FRMD5: variants seen among roughly 807,000 people sequenced by gnomAD.
FRMD5 encodes FERM domain containing 5, also known as FERM domain-containing protein 5.
In FRMD5, 20 loss-of-function variants were observed where a neutral mutation model predicts 69.0. The observed-to-expected ratio is 0.29, with a 90% CI of 0.20 to 0.42. The LOEUF is 0.42. FRMD5 is among the 10% of genes least tolerant of loss of function. The pLI is 1.00. For synonymous variants in FRMD5, 271 were observed against 260.1 expected, an observed-to-expected ratio of 1.04 and a Z score of -0.40; for missense variants, 595 against 708.6, an observed-to-expected ratio of 0.84 and a Z score of 1.82.
intron 1 of FRMD5, chr15:44,063,660 T>G (rs545610032): frequency 2.3e-6 from 1 of 435,792 alleles, no homozygotes; most frequent in South Asian, 1.8e-5. Flanking sequence ...TCTAGTATGA[T>G]TCCACCCATA....
intron 7 of FRMD5, among the ~76,000 whole-genome samples, chr15:43,900,973 T>C (rs1354579416): frequency 6.6e-6 from 1 of 152,206 alleles, no homozygotes; most frequent in Non-Finnish European, 1.5e-5. Context: ...GTTGACATTG[T>C]AACCCTCAGT....
intron 1 of FRMD5, among the ~76,000 whole-genome samples, chr15:43,963,681 G>T (rs2090243394): frequency 6.6e-6 from 1 of 152,206 alleles, no homozygotes; most frequent in Non-Finnish European, 1.5e-5. Flanking sequence ...TGATAGACTG[G>T]ATTAAGAACA....
At chr15:44,105,732 T>TA (rs752582676) in intron 1 of FRMD5, among the ~76,000 whole-genome samples, 12 of 152,156 alleles carry the variant, frequency 7.9e-5, no homozygotes, top group Non-Finnish European at 1.5e-4. Context: ...ACTTAGTCTT[T>TA]AAAAAAATGG....
chr15:43,922,834 G>T (rs1382901624), intron 2 of FRMD5, among the ~76,000 whole-genome samples: 2 of 151,870 alleles, frequency 1.3e-5, no homozygotes, highest in Non-Finnish European at 2.9e-5. Context: ...CCATTTCCGC[G>T]AATTTTTGTA....
At chr15:43,994,887 C>T (rs1166176898) in intron 1 of FRMD5, among the ~76,000 whole-genome samples, 1 of 152,228 alleles carries the variant, frequency 6.6e-6, no homozygotes, top group Non-Finnish European at 1.5e-5. Context: ...CCTCTTCTTT[C>T]AGCTTGAAGA....
At chr15:43,971,561 G>A (rs1403333118) in intron 1 of FRMD5, among the ~76,000 whole-genome samples, 1 of 147,348 alleles carries the variant, frequency 6.8e-6, no homozygotes, top group African/African-American at 2.5e-5. Context: ...GCACGCATCT[G>A]TAATCCCAGC....
At chr15:43,963,152 A>G (rs1374869200) in intron 1 of FRMD5, among the ~76,000 whole-genome samples, 1 of 152,206 alleles carries the variant, frequency 6.6e-6, no homozygotes, top group African/African-American at 2.4e-5. Flanking sequence ...TTTGCAACCT[A>G]CTCATCTGAC....
chr15:43,911,628 G>A (rs1282604377), intron 4 of FRMD5, among the ~76,000 whole-genome samples: 1 of 152,188 alleles, frequency 6.6e-6, no homozygotes, highest in African/African-American at 2.4e-5. Flanking sequence ...CTGACCCATA[G>A]ACACTCTGAG....
intron 1 of FRMD5, among the ~76,000 whole-genome samples, chr15:44,191,335 T>C (rs1438367485): frequency 6.6e-6 from 1 of 152,148 alleles, no homozygotes; most frequent in African/African-American, 2.4e-5. Flanking sequence ...ATGCCTGTAA[T>C]CCCAGCACTT....
intron 1 of FRMD5, among the ~76,000 whole-genome samples, chr15:43,967,754 A>C (rs1395332171): frequency 6.6e-6 from 1 of 151,872 alleles, no homozygotes; most frequent in Non-Finnish European, 1.5e-5. Context: ...AATATCTTTA[A>C]ATTTTTTTTT....
intron 8 of FRMD5, among the ~76,000 whole-genome samples, chr15:43,890,073 G>A (rs2088759077): frequency 6.6e-6 from 1 of 152,096 alleles, no homozygotes; most frequent in Non-Finnish European, 1.5e-5. Flanking sequence ...CACCAGTTCT[G>A]AGCTAACACA....
chr15:44,165,926 G>A (rs2077701526), intron 1 of FRMD5, among the ~76,000 whole-genome samples: 1 of 152,160 alleles, frequency 6.6e-6, no homozygotes, highest in Non-Finnish European at 1.5e-5. Context: ...GTTTCAATAT[G>A]TAAAAGAATT....
intron 8 of FRMD5, among the ~76,000 whole-genome samples, chr15:43,891,387 G>A (rs1345525743): frequency 6.6e-6 from 1 of 152,232 alleles, no homozygotes; most frequent in East Asian, 1.9e-4. Context: ...GAAAGAGTGG[G>A]AATATGACTC....
At chr15:43,881,067 C>T (rs1428698663) in intron 13 of FRMD5, among the ~76,000 whole-genome samples, 1 of 152,250 alleles carries the variant, frequency 6.6e-6, no homozygotes, top group African/African-American at 2.4e-5. Flanking sequence ...TCAGCCCTCC[C>T]TCTTTTGGGA....
chr15:43,890,876 T>G (rs1389137433), intron 8 of FRMD5, among the ~76,000 whole-genome samples: 1 of 152,174 alleles, frequency 6.6e-6, no homozygotes, highest in Non-Finnish European at 1.5e-5. Flanking sequence ...AGGCGGTATC[T>G]GTCCTCAAGC....
At chr15:44,142,520 T>C (rs1029415595) in intron 1 of FRMD5, among the ~76,000 whole-genome samples, 1 of 152,164 alleles carries the variant, frequency 6.6e-6, no homozygotes, top group African/African-American at 2.4e-5. Flanking sequence ...ACTCCACACA[T>C]TCATAACATA....
Position 43,873,689 on chromosome 15 carries a change from C to T in FRMD5, c.*196G>A. The stretch of plus-strand genomic sequence containing the variant: ...TAACTTCTGAAGAAAATGAGTTTTC[C>T]CAGTTTGTTTAGACAGGGCATGAGC... On this transcript the variant is annotated 3_prime_UTR_variant, in exon 14 of 14. Coordinates refer to ENST00000417257, the MANE Select transcript of FRMD5 (RefSeq NM_032892.5). 2.0e-6 allele frequency: 3 copies of T among 1,509,632 alleles called. No homozygotes were observed. Among genetic ancestry groups the T allele is most frequent in the Middle Eastern group, 1.7e-4 (1 of 5,904 alleles). 93.5% of individuals were successfully genotyped at this position (1,509,632 alleles called of 1,614,324 possible).
chr15:44,098,523 C>CAAA (rs10660236), intron 1 of FRMD5, among the ~76,000 whole-genome samples: 18 of 105,262 alleles, frequency 1.7e-4, no homozygotes, highest in East Asian at 1.5e-3. Flanking sequence ...GACTCTGTCT[C>CAAA]AAAAAAAAAA....
chr15:43,954,360 C>A (rs2090082493), intron 1 of FRMD5, among the ~76,000 whole-genome samples: 1 of 152,176 alleles, frequency 6.6e-6, no homozygotes, highest in African/African-American at 2.4e-5. Flanking sequence ...TCCTGGCCCA[C>A]AAAGGCACCA....
Sources: gnomAD v4.1 joint callset for allele counts (sites outside exome capture counted in the v4.1 genomes callset) on GRCh38, gnomAD v4.1.1 for gene constraint, MANE v1.5 for transcripts, NCBI Gene and HGNC (gene_info 2026-07-23, HGNC 2026-07-21) for gene names.